Variants in ARIH2 observed in about 807,000 individuals in gnomAD.
ARIH2 encodes ariadne RBR E3 ubiquitin protein ligase 2, also known as E3 ubiquitin-protein ligase ARIH2.
Under a neutral mutation model 79.8 loss-of-function variants are expected in ARIH2, and 12 were observed. That is an observed-to-expected ratio of 0.15 (90% CI 0.10 to 0.24). The LOEUF is 0.24. Among genes scored for constraint, ARIH2 ranks in the 10% least tolerant of loss-of-function variants. ARIH2 has a pLI of 1.00. For missense variants in ARIH2, 301 were observed against 618.3 expected (o/e 0.49, Z 5.44); for synonymous variants, 224 against 213.9 (o/e 1.05, Z -0.41).
In ARIH2 at chr3:48,927,815, TG is replaced by T; in HGVS notation, c.255+3del. ...ACCAGCTTAGCTTCTGTCCTAAAGGTGAGCAGTGTTGTAAACTCCAGTGTAA... is the reference window on the plus strand; with the variant it reads ...ACCAGCTTAGCTTCTGTCCTAAAGGTAGCAGTGTTGTAAACTCCAGTGTAA... On this transcript the variant is annotated splice_donor_region_variant and intron_variant, in intron 3 of 15. Transcript: ENST00000356401. The T allele has an allele frequency of 6.2e-7, 1 of 1,613,632 alleles. No individual in the cohort carries two copies. Among genetic ancestry groups the T allele is most frequent in the Non-Finnish European group, 8.5e-7 (1 of 1,179,714 alleles).
chr3:48,928,042 G>A, intron 3 of ARIH2: 1 of 535,060 alleles, frequency 1.9e-6, no homozygotes, highest in Non-Finnish European at 3.3e-6. Context: ...AAGTAGGGGT[G>A]GGACAGATTC....
At chr3:48,940,816 T>TATAC (rs2088057313) in intron 3 of ARIH2, among the ~76,000 whole-genome samples, 4 of 124,090 alleles carry the variant, frequency 3.2e-5, no homozygotes, top group Admixed American at 2.7e-4. Context: ...AAAATATATA[T>TATAC]ATATATATAT....
intron 3 of ARIH2, among the ~76,000 whole-genome samples, chr3:48,952,345 C>T (rs896456912): frequency 6.6e-6 from 1 of 152,160 alleles, no homozygotes; most frequent in Admixed American, 6.5e-5. Flanking sequence ...CCTGAAGACT[C>T]TCTTCTACTA....
At chr3:48,979,399 G>T (rs1237249231) in intron 11 of ARIH2, 83 bp from the exon 12 acceptor site, 1 of 1,490,744 alleles carries the variant, frequency 6.7e-7, no homozygotes, top group African/African-American at 1.4e-5. Context: ...TGGGAGCAGG[G>T]TCTGTCTGTC....
chr3:48,960,167 A>T (rs1298649039), intron 3 of ARIH2, among the ~76,000 whole-genome samples: 1 of 152,222 alleles, frequency 6.6e-6, no homozygotes, highest in Non-Finnish European at 1.5e-5. Context: ...AGGCTTCCAA[A>T]CACATCCCAA....
chr3:48,954,029 C>G (rs1008578037), intron 3 of ARIH2, among the ~76,000 whole-genome samples: 3 of 152,102 alleles, frequency 2.0e-5, no homozygotes, highest in Non-Finnish European at 2.9e-5. Context: ...GGAGTGGTGG[C>G]AGGTGCCTGT....
At chr3:48,975,310 T>G (rs1394737688) in intron 11 of ARIH2, among the ~76,000 whole-genome samples, 1 of 152,192 alleles carries the variant, frequency 6.6e-6, no homozygotes, top group Non-Finnish European at 1.5e-5. Flanking sequence ...GGCTTATCTG[T>G]GCTACGTTGT....
chr3:48,941,441 CAGA>C (rs2088201741), intron 3 of ARIH2, among the ~76,000 whole-genome samples: 1 of 152,032 alleles, frequency 6.6e-6, no homozygotes, highest in African/African-American at 2.4e-5. Flanking sequence ...TGGTGACAAC[CAGA>C]AGAACCTTAG....
intron 3 of ARIH2, among the ~76,000 whole-genome samples, chr3:48,935,664 A>G (rs1437054351): frequency 6.6e-6 from 1 of 152,186 alleles, no homozygotes; most frequent in Non-Finnish European, 1.5e-5. Flanking sequence ...AAATAATGAT[A>G]ACACCTCCTT....
chr3:48,968,274 C>G (rs1184865879), intron 6 of ARIH2: 1 of 263,020 alleles, frequency 3.8e-6, no homozygotes, highest in Admixed American at 5.1e-5. Context: ...GTGGCGGGAT[C>G]TCGGCTCACT....
rs1559876655 is a variant in ARIH2 at position 48,983,551 on chromosome 3, TTAATAG to T, written c.*284_*289del. 1 of 469,186 alleles carries T rather than the reference TTAATAG, an allele frequency of 2.1e-6. No individual in the cohort carries two copies. Among genetic ancestry groups the T allele is most frequent in the African/African-American group, 2.0e-5 (1 of 51,044 alleles). The allele number at this position is 469,186 out of a possible 1,614,324, so 29.1% of individuals were successfully genotyped here. A position where few individuals can be genotyped will look rare whatever the true frequency, so the allele number is the denominator to read the frequency against. Reference sequence around the variant, plus strand: ...AGGGAAAGTGTTTTCTGAATGGCTATTAATAGTATTAGATCATTACAACTTATGTAA... The same window carrying T: ...AGGGAAAGTGTTTTCTGAATGGCTATTATTAGATCATTACAACTTATGTAA... On this transcript the variant is annotated 3_prime_UTR_variant, in exon 16 of 16. Coordinates refer to ENST00000356401, the MANE Select transcript of ARIH2 (RefSeq NM_006321.4).
At chr3:48,980,038 C>T (rs2092695399) in intron 12 of ARIH2, 1 of 252,206 alleles carries the variant, frequency 4.0e-6, no homozygotes, top group East Asian at 7.5e-5. Flanking sequence ...TCCCAGGGAG[C>T]CCTTTAGAAG....
intron 3 of ARIH2, among the ~76,000 whole-genome samples, chr3:48,957,636 C>A (rs2090749667): frequency 6.6e-6 from 1 of 152,196 alleles, no homozygotes; most frequent in South Asian, 2.1e-4. Context: ...TTGGGCCCCA[C>A]TGGGTATGAG....
chr3:48,967,390 A>G, intron 6 of ARIH2, 115 bp downstream of exon 6: 2 of 1,195,430 alleles, frequency 1.7e-6, no homozygotes, highest in Admixed American at 2.5e-5. Flanking sequence ...TGGGGTTTTT[A>G]TCATCAGAAC....
intron 3 of ARIH2, among the ~76,000 whole-genome samples, chr3:48,931,803 T>A (rs1363853098): frequency 6.6e-6 from 1 of 151,962 alleles, no homozygotes; most frequent in Non-Finnish European, 1.5e-5. Context: ...GATCACGAGG[T>A]CAGGAGAGCC....
chr3:48,979,349 A>G (rs2107685005), intron 11 of ARIH2, 133 bp from the exon 12 acceptor site: 1 of 881,496 alleles, frequency 1.1e-6, no homozygotes, highest in Non-Finnish European at 1.7e-6. Context: ...TTCCTTCGGG[A>G]AAGAGGCACC....
intron 4 of ARIH2, among the ~76,000 whole-genome samples, chr3:48,962,208 C>T (rs889655451): frequency 1.3e-5 from 2 of 152,004 alleles, no homozygotes; most frequent in Admixed American, 6.6e-5. Context: ...GAAACCCCTT[C>T]TCTACTAAAA....
Position 48,973,741 on chromosome 3 carries a change from C to G in ARIH2, c.813C>G (p.Ala271=). Residue 271 remains alanine, a synonymous_variant, in exon 9 of 16, where the codon GCC becomes GCG. Transcript: ENST00000356401. ...RQMYHAPTDC[A]TIRKWLTKCA... ...TGTATCACGCACCCACAGACTGTGCCACAATCCGGAAATGGCTCACGAAGT... is the reference window on the plus strand; with the variant it reads ...TGTATCACGCACCCACAGACTGTGCGACAATCCGGAAATGGCTCACGAAGT... 1.2e-6 allele frequency: 2 copies of G among 1,614,130 alleles called. No homozygotes were observed. The highest frequency in any genetic ancestry group is 1.1e-5 in the South Asian group (1 of 91,088).
rs2092881353 is a variant in ARIH2 at position 48,985,443 on chromosome 3, C to A, written c.*2173C>A. 6.6e-6 allele frequency: 1 copy of A among 152,186 alleles called. No individual in the cohort carries two copies. The highest frequency in any genetic ancestry group is 1.5e-5 in the Non-Finnish European group (1 of 68,036). 9.4% of individuals were successfully genotyped at this position (152,186 alleles called of 1,614,324 possible). A position where few individuals can be genotyped will look rare whatever the true frequency, so the allele number is the denominator to read the frequency against. ...GTATTTTCATGAATTTACCATATATCTTTGTTTTTCTTCAACGAAAAAGTT... is the reference window on the plus strand; with the variant it reads ...GTATTTTCATGAATTTACCATATATATTTGTTTTTCTTCAACGAAAAAGTT... On this transcript the variant is annotated 3_prime_UTR_variant, in exon 16 of 16. Transcript: ENST00000356401.
Sources: allele counts gnomAD v4.1 joint callset (sites outside exome capture counted in the v4.1 genomes callset), GRCh38; gene constraint gnomAD v4.1.1; transcripts MANE v1.5; gene names NCBI Gene and HGNC (gene_info 2026-07-23, HGNC 2026-07-21).